Variants in SDHAF3 observed in about 807,000 individuals in gnomAD.
SDHAF3 encodes the protein succinate dehydrogenase assembly factor 3, mitochondrial.
A neutral mutation model predicts 11.5 loss-of-function variants in SDHAF3; 18 were observed. The ratio of observed to expected loss-of-function variants is 1.56; its 90% CI spans 1.08 to 2.32. SDHAF3 has a LOEUF of 2.32. Ranked by LOEUF, SDHAF3 falls within the 30% of genes most tolerant of loss-of-function variation. The pLI is 0.00. For synonymous variants in SDHAF3, 72 were observed against 59.3 expected (o/e 1.21, Z -0.99); for missense variants, 200 against 154.4 (o/e 1.30, Z -1.57).
intron 1 of SDHAF3, among the ~76,000 whole-genome samples, chr7:97,132,414 A>C (rs1469242065): frequency 6.6e-6 from 1 of 152,130 alleles, no homozygotes; most frequent in Non-Finnish European, 1.5e-5. Context: ...AAATATTTGG[A>C]GTCTATAGGG....
rs765302863 is a variant in SDHAF3 at position 97,181,138 on chromosome 7, T to A, written c.301T>A (p.Leu101Met). The A allele has an allele frequency of 2.5e-6, 4 of 1,614,016 alleles. No homozygotes were observed. The highest frequency in any genetic ancestry group is 3.4e-6 in the Non-Finnish European group (4 of 1,179,942). ...CTTTCGTGATGAACAAATTGGACAG[T>A]TGCAGGAGCTGATGCAAGAAGCCAC... The part of the protein sequence containing the change: ...NDFRDEQIGQ[L>M]QELMQEATKP... The change falls in exon 2 of 2, where the codon TTG becomes ATG. Residue 101 changes from leucine (L) to methionine (M), a missense_variant. Leu to Met is a conservative substitution (Grantham distance 15, BLOSUM62 2). Coordinates refer to ENST00000432641, the MANE Select transcript of SDHAF3 (RefSeq NM_020186.3).
chr7:97,142,084 C>T (rs762822500), intron 1 of SDHAF3, among the ~76,000 whole-genome samples: 168 of 108,880 alleles, frequency 1.5e-3, no homozygotes, highest in Non-Finnish European at 1.9e-3. Context: ...GACAGTGTCT[C>T]GCCCTGTTGC....
At chr7:97,177,117 G>A (rs1789690355) in intron 1 of SDHAF3, among the ~76,000 whole-genome samples, 1 of 151,738 alleles carries the variant, frequency 6.6e-6, no homozygotes, top group African/African-American at 2.4e-5. Flanking sequence ...ATATGCTTAG[G>A]TATAGTATTT....
chr7:97,141,459 C>T (rs1350209335), intron 1 of SDHAF3, among the ~76,000 whole-genome samples: 3 of 152,150 alleles, frequency 2.0e-5, no homozygotes, highest in Non-Finnish European at 4.4e-5. Flanking sequence ...GGACACCCAG[C>T]TTTAAAATTT....
At chr7:97,152,138 C>G (rs1488399047) in intron 1 of SDHAF3, among the ~76,000 whole-genome samples, 1 of 152,152 alleles carries the variant, frequency 6.6e-6, no homozygotes, top group Non-Finnish European at 1.5e-5. Context: ...CGGTTCATCC[C>G]CCTCACCAAC....
At chr7:97,146,788 CTTT>C (rs752676493) in intron 1 of SDHAF3, among the ~76,000 whole-genome samples, 5 of 139,484 alleles carry the variant, frequency 3.6e-5, no homozygotes, top group Admixed American at 7.2e-5. Context: ...TAATAGGTAC[CTTT>C]TTTTTTTTTT....
chr7:97,179,152 T>A (rs1333078097), intron 1 of SDHAF3, among the ~76,000 whole-genome samples: 1 of 152,224 alleles, frequency 6.6e-6, no homozygotes, highest in Non-Finnish European at 1.5e-5. Flanking sequence ...TGGCTATATA[T>A]GTAAGGATTT....
chr7:97,144,386 C>A (rs146255811), intron 1 of SDHAF3, among the ~76,000 whole-genome samples: 21 of 152,202 alleles, frequency 1.4e-4, no homozygotes, highest in South Asian at 2.1e-4. Context: ...GTCATGAAAT[C>A]CTAAGCCAAT....
intron 1 of SDHAF3, 46 bp downstream of exon 1, chr7:97,117,943 C>G: frequency 6.3e-7 from 1 of 1,597,794 alleles, no homozygotes; most frequent in South Asian, 1.1e-5. Flanking sequence ...TGGGGTTCCT[C>G]GGTGTCCAGG....
At chr7:97,173,981 A>G (rs1188790497) in intron 1 of SDHAF3, among the ~76,000 whole-genome samples, 1 of 150,778 alleles carries the variant, frequency 6.6e-6, no homozygotes, top group Non-Finnish European at 1.5e-5. Context: ...GTGCAGTGGC[A>G]CAATCTCGGC....
At chr7:97,161,629 C>G (rs1354143372) in intron 1 of SDHAF3, among the ~76,000 whole-genome samples, 2 of 152,106 alleles carry the variant, frequency 1.3e-5, no homozygotes, top group Admixed American at 6.5e-5. Context: ...TGTTCCCCTC[C>G]CTGTGTACAT....
intron 1 of SDHAF3, among the ~76,000 whole-genome samples, chr7:97,124,664 T>TA (rs1791547973): frequency 6.6e-6 from 1 of 152,184 alleles, no homozygotes; most frequent in Admixed American, 6.5e-5. Context: ...TGTCCTCTCT[T>TA]ACTTCTTTGA....
At chr7:97,168,490 A>C (rs1302514503) in intron 1 of SDHAF3, among the ~76,000 whole-genome samples, 1 of 152,234 alleles carries the variant, frequency 6.6e-6, no homozygotes, top group Non-Finnish European at 1.5e-5. Flanking sequence ...CCAGGAATGA[A>C]TAAGGATACC....
At chr7:97,120,648 C>G (rs539757364) in intron 1 of SDHAF3, among the ~76,000 whole-genome samples, 1 of 152,124 alleles carries the variant, frequency 6.6e-6, no homozygotes, top group East Asian at 1.9e-4. Context: ...ACGTTTACAT[C>G]AAACTAAGAG....
chr7:97,152,268 A>C (rs1018898625), intron 1 of SDHAF3, among the ~76,000 whole-genome samples: 1 of 152,178 alleles, frequency 6.6e-6, no homozygotes, highest in Non-Finnish European at 1.5e-5. Flanking sequence ...GAGCCAACTA[A>C]ATTGGAGACT....
chr7:97,143,196 C>T (rs1464952620), intron 1 of SDHAF3, among the ~76,000 whole-genome samples: 1 of 151,870 alleles, frequency 6.6e-6, no homozygotes, highest in Non-Finnish European at 1.5e-5. Context: ...ACTCCCAGCC[C>T]CTTCTTAAAT....
rs1562817728 is a variant in SDHAF3 at position 97,117,906 on chromosome 7, C to T, written c.174+9C>T. 1.2e-6 allele frequency: 2 copies of T among 1,613,172 alleles called. No individual in the cohort carries two copies. The highest frequency in any genetic ancestry group is 1.3e-5 in the African/African-American group (1 of 74,938). ...TCTTGCAAGAATGGGAGGCAAGTGA[C>T]GCTCCCTTCTCTTTGCCCAAGACCT... On this transcript the variant is annotated intron_variant, in intron 1 of 1. Coordinates refer to ENST00000432641, the MANE Select transcript of SDHAF3 (RefSeq NM_020186.3).
intron 1 of SDHAF3, among the ~76,000 whole-genome samples, chr7:97,136,971 G>A (rs1344838803): frequency 6.6e-6 from 1 of 152,060 alleles, no homozygotes; most frequent in Non-Finnish European, 1.5e-5. Context: ...GATTCCTATT[G>A]TGTAATATTT....
At chr7:97,154,267 A>G (rs945133595) in intron 1 of SDHAF3, among the ~76,000 whole-genome samples, 10 of 152,164 alleles carry the variant, frequency 6.6e-5, no homozygotes, top group Non-Finnish European at 1.5e-4. Context: ...CAATGGTGGA[A>G]TGTCATCAGT....
Sources: gnomAD v4.1 joint callset for allele counts (sites outside exome capture counted in the v4.1 genomes callset) on GRCh38, gnomAD v4.1.1 for gene constraint, MANE v1.5 for transcripts, NCBI Gene and HGNC (gene_info 2026-07-23, HGNC 2026-07-21) for gene names.